Variants in PCDH10 observed in about 807,000 individuals in gnomAD.
The protein encoded by PCDH10 is protocadherin-10.
PCDH10 carries 15 observed loss-of-function variants against 74.4 expected under a neutral mutation model. The ratio of observed to expected loss-of-function variants is 0.20; its 90% CI spans 0.13 to 0.31. The LOEUF is 0.31. PCDH10 is among the 10% of genes least tolerant of loss of function. The pLI, the probability that PCDH10 is intolerant of heterozygous loss-of-function variation, is 1.00. For synonymous variants in PCDH10, 619 were observed against 589.8 expected, an observed-to-expected ratio of 1.05 and a Z score of -0.72; for missense variants, 1,260 against 1,390.2, an observed-to-expected ratio of 0.91 and a Z score of 1.49.
intron 4 of PCDH10, among the ~76,000 whole-genome samples, chr4:133,182,202 A>G (rs925463020): frequency 8.5e-5 from 13 of 152,060 alleles, no homozygotes; most frequent in Non-Finnish European, 1.8e-4. Flanking sequence ...GGAATGACCA[A>G]TCCCATTCAG....
chr4:133,154,880 C>A, intron 2 of PCDH10, 37 bp from the exon 3 acceptor site: 1 of 1,384,508 alleles, frequency 7.2e-7, no homozygotes, highest in Non-Finnish European at 1.0e-6. Flanking sequence ...GTTTCTTCAC[C>A]TTTTTTATTC....
chr4:133,168,373 A>G (rs1294387094), intron 4 of PCDH10, among the ~76,000 whole-genome samples: 2 of 151,406 alleles, frequency 1.3e-5, no homozygotes, highest in Non-Finnish European at 3.0e-5. Context: ...CCTGTGGGTA[A>G]TTTGGAACTA....
At chr4:133,195,419 A>ATAGTTATCTC (rs1727775873), downstream of PCDH10, among the ~76,000 whole-genome samples, 1 of 151,738 alleles carries the variant, frequency 6.6e-6, no homozygotes, top group African/African-American at 2.4e-5. Context: ...GTTCTCAATG[A>ATAGTTATCTC]AAGGTTAACA....
intron 4 of PCDH10, among the ~76,000 whole-genome samples, chr4:133,185,489 T>G (rs1169206464): frequency 2.0e-5 from 3 of 152,162 alleles, no homozygotes; most frequent in Admixed American, 6.6e-5. Flanking sequence ...TGTACAAATT[T>G]CTAATGGAGG....
rs767430272 is a variant in PCDH10, at chr4:133,152,431, G to A, written c.2291G>A (p.Gly764Asp). The A allele has an allele frequency of 3.7e-6, 6 of 1,614,176 alleles. No homozygotes were observed. The highest frequency in any genetic ancestry group is 3.3e-5 in the South Asian group (3 of 91,078). The change falls in exon 1 of 5, where the codon GGT becomes GAT. Residue 764 changes from glycine to aspartate, a missense_variant. Around this residue, in one of 11 missense-constraint regions of PCDH10, gnomAD observed 587 missense variants for 616.9 expected, o/e 0.95. Transcript: ENST00000264360. ...SDCCLCCCCC[G>D]GGGSTCCGRQ... ...TGCTGCCTCTGCTGCTGCTGCTGCG[G>A]TGGCGGAGGTTCGACCTGCTGTGGC... is the stretch of plus-strand genomic sequence containing the variant.
chr4:133,203,368 T>A (rs890079152), intron 2 of PCDH10, among the ~76,000 whole-genome samples: 1 of 152,180 alleles, frequency 6.6e-6, no homozygotes, highest in Non-Finnish European at 1.5e-5. Context: ...AACTTTTTGC[T>A]TTAGAAAGCC....
At chr4:133,184,783 T>TATA (rs1553942367) in intron 4 of PCDH10, among the ~76,000 whole-genome samples, 1 of 138,498 alleles carries the variant, frequency 7.2e-6, no homozygotes, top group Non-Finnish European at 1.6e-5. Flanking sequence ...AATATATATA[T>TATA]AAATATATAT....
At chr4:133,204,762 G>A (rs1361430572) in intron 2 of PCDH10, among the ~76,000 whole-genome samples, 2 of 152,140 alleles carry the variant, frequency 1.3e-5, no homozygotes, top group African/African-American at 4.8e-5. Context: ...CACTCTATTG[G>A]TGAGGGAGGG....
chr4:133,199,649 A>ATCT (rs965585592), downstream of PCDH10, among the ~76,000 whole-genome samples: 12 of 151,392 alleles, frequency 7.9e-5, no homozygotes, highest in African/African-American at 2.7e-4. Flanking sequence ...TGCAAAAAAT[A>ATCT]TCTTATTTGT....
At chr4:133,200,192 T>C (rs1404997359) in intron 2 of PCDH10, among the ~76,000 whole-genome samples, 1 of 152,032 alleles carries the variant, frequency 6.6e-6, no homozygotes, top group Non-Finnish European at 1.5e-5. Flanking sequence ...ATTATATCTC[T>C]TGTCAAAACT....
chr4:133,177,101 C>G (rs1300436099), intron 4 of PCDH10, among the ~76,000 whole-genome samples: 1 of 151,748 alleles, frequency 6.6e-6, no homozygotes, highest in African/African-American at 2.4e-5. Context: ...CTAGAGAGTT[C>G]TGATAGCCCT....
intron 4 of PCDH10, among the ~76,000 whole-genome samples, chr4:133,171,435 G>A (rs1727201643): frequency 6.6e-6 from 1 of 152,060 alleles, no homozygotes; most frequent in Non-Finnish European, 1.5e-5. Flanking sequence ...CATATTTTCT[G>A]GATTAAATTC....
chr4:133,158,800 C>T (rs145019130), intron 3 of PCDH10, among the ~76,000 whole-genome samples: 6 of 152,070 alleles, frequency 3.9e-5, no homozygotes, highest in African/African-American at 1.4e-4. Context: ...TTTATAAAAC[C>T]TTATTCACTG....
At chr4:133,165,569 C>A (rs1483374197) in intron 4 of PCDH10, among the ~76,000 whole-genome samples, 2 of 151,588 alleles carry the variant, frequency 1.3e-5, no homozygotes, top group Non-Finnish European at 3.0e-5. Context: ...ATTAAAAAAG[C>A]TAAAAATTGA....
chr4:133,201,910 A>G (rs1727916688), intron 2 of PCDH10, among the ~76,000 whole-genome samples: 1 of 151,772 alleles, frequency 6.6e-6, no homozygotes, highest in South Asian at 2.1e-4. Flanking sequence ...AATAAAGACA[A>G]TTCTTTGGCT....
chr4:133,175,803 A>G (rs1469869119), intron 4 of PCDH10, among the ~76,000 whole-genome samples: 1 of 152,080 alleles, frequency 6.6e-6, no homozygotes, highest in Non-Finnish European at 1.5e-5. Flanking sequence ...AAAATGCAAA[A>G]CACGAAAAAA....
At chr4:133,155,981 A>ATTCT (rs1726856669) in intron 3 of PCDH10, among the ~76,000 whole-genome samples, 1 of 152,202 alleles carries the variant, frequency 6.6e-6, no homozygotes, top group Non-Finnish European at 1.5e-5. Flanking sequence ...AAGAAATAGA[A>ATTCT]AGGCTAGTCA....
chr4:133,168,616 C>G lies in PCDH10; in HGVS notation c.3103+5334C>G, dbSNP rs1177278806. Among the ~76,000 whole-genome samples the G allele has an allele frequency of 4.0e-5, 6 of 151,616 alleles. No individual in the cohort carries two copies. In the East Asian group the frequency reaches 1.2e-3, roughly 29 times the overall value. On this transcript the variant is annotated intron_variant, in intron 4 of 4. Transcript: ENST00000264360. ...CTATGTTTTGCAACTGCTTTCTCACCATTTATTAACTTTGCTAAAATCTGC... is the reference window on the plus strand; with the variant it reads ...CTATGTTTTGCAACTGCTTTCTCACGATTTATTAACTTTGCTAAAATCTGC...
chr4:133,204,482 C>T (rs1045622894), intron 2 of PCDH10, among the ~76,000 whole-genome samples: 3 of 152,156 alleles, frequency 2.0e-5, no homozygotes, highest in Admixed American at 6.5e-5. Flanking sequence ...CTCAGGGACA[C>T]TTGCCAAAAA....
Sources: allele counts gnomAD v4.1 joint callset (sites outside exome capture counted in the v4.1 genomes callset), GRCh38; gene constraint gnomAD v4.1.1; regional missense constraint gnomAD v4.1.1; transcripts MANE v1.5; gene names NCBI Gene and HGNC (gene_info 2026-07-23, HGNC 2026-07-21).